FREM1: variants seen among roughly 807,000 people sequenced by gnomAD.
The protein encoded by FREM1 is FRAS1 related extracellular matrix 1.
In FREM1, 220 loss-of-function variants were observed where a neutral mutation model predicts 210.1. That is an observed-to-expected ratio of 1.05 (90% CI 0.94 to 1.17). The LOEUF (loss-of-function observed/expected upper bound fraction) is 1.17. Ranked by LOEUF, FREM1 falls within the 50% of genes most tolerant of loss-of-function variation. The probability of loss-of-function intolerance (pLI) is 0.00; values close to 1 mark genes in which losing one functional copy is unlikely to be tolerated. For missense variants in FREM1, 3,454 were observed against 2,675.5 expected, an observed-to-expected ratio of 1.29 and a Z score of -6.42; for synonymous variants, 1,189 against 980.2, an observed-to-expected ratio of 1.21 and a Z score of -3.98.
rs561286056 is a variant in FREM1 at position 14,801,294 on chromosome 9, G to A, written c.3694+358C>T. Among the ~76,000 whole-genome samples the A allele has an allele frequency of 3.3e-5, 5 of 152,280 alleles. No homozygotes were observed. In the South Asian group the frequency reaches 8.3e-4, roughly 25 times the overall value. ...ATTACAGGCGTGAGCCACCAGGCCC[G>A]GCCACGCTGTGGAATGGTTAAGTCA... On this transcript the variant is annotated intron_variant, in intron 20 of 36. Coordinates refer to ENST00000380880, the MANE Select transcript of FREM1 (RefSeq NM_001379081.2).
chr9:14,790,791 T>G lies in FREM1; in HGVS notation c.3982-1677A>C, dbSNP rs2291682. ...GCTAGGGAGCTGGGAGAGAACTGTGTGGAGCCATACTGGGAACCTGGACCC... is the reference window on the plus strand; with the variant it reads ...GCTAGGGAGCTGGGAGAGAACTGTGGGGAGCCATACTGGGAACCTGGACCC... On this transcript the variant is annotated intron_variant, in intron 22 of 36. Coordinates refer to ENST00000380880, the MANE Select transcript of FREM1 (RefSeq NM_001379081.2). 85 of 152,410 alleles carry G rather than the reference T, an allele frequency of 5.6e-4. 3 individuals are homozygous for G. In the East Asian group the frequency reaches 0.016, roughly 28 times the overall value. The allele number at this position is 152,410 out of a possible 1,614,324, so 9.4% of individuals were successfully genotyped here.
chr9:14,870,348 G>GT (rs1273736308), intron 1 of FREM1, among the ~76,000 whole-genome samples: 5 of 152,254 alleles, frequency 3.3e-5, no homozygotes, highest in Admixed American at 3.3e-4. Flanking sequence ...AGAGCAGCCT[G>GT]TTTTTTATGG....
intron 1 of FREM1, among the ~76,000 whole-genome samples, chr9:14,888,699 C>T (rs1482911528): frequency 1.3e-5 from 2 of 152,148 alleles, no homozygotes; most frequent in Admixed American, 6.5e-5. Flanking sequence ...TGTGTGTTGA[C>T]TCTGTCTATA....
In FREM1 at chr9:14,860,854, T is replaced by C. The variant is rs1452063663; in HGVS notation, c.330-1370A>G. Among the ~76,000 whole-genome samples, 8 of 71,192 alleles carry C rather than the reference T, an allele frequency of 1.1e-4. No individual in the cohort carries two copies. The East Asian group carries it at 3.2e-3, about 29-fold the overall frequency. 46.7% of individuals were successfully genotyped at this position (71,192 alleles called of 152,430 possible). On this transcript the variant is annotated intron_variant, in intron 3 of 36. Coordinates refer to ENST00000380880, the MANE Select transcript of FREM1 (RefSeq NM_001379081.2). ...ATATACGTATATATACATATATACG[T>C]ATATATACACATATATATACGTATA...
chr9:14,792,749 C>A lies in FREM1; in HGVS notation c.3975G>T (p.Gln1325His), dbSNP rs980845557. 1.6e-5 allele frequency: 25 copies of A among 1,594,436 alleles called. No individual in the cohort carries two copies. Among genetic ancestry groups the A allele is most frequent in the Non-Finnish European group, 2.0e-5 (24 of 1,172,600 alleles). The change falls in exon 22 of 37, where the codon CAG (glutamine) becomes CAT (histidine). Residue 1325 changes from glutamine (Q) to histidine (H), a missense_variant. Coordinates refer to ENST00000380880, the MANE Select transcript of FREM1 (RefSeq NM_001379081.2). ...AAAGTAAGAAGTCACTAACCTTAAG[C>A]TGAAGTTGCCCATTTTGGGGAAGCC... ...FERLPQNGQL[Q>H]LKIGRDWVPL...
intron 6 of FREM1, among the ~76,000 whole-genome samples, chr9:14,850,018 A>G (rs929078266): frequency 6.6e-6 from 1 of 152,218 alleles, no homozygotes; most frequent in African/African-American, 2.4e-5. Context: ...TTGAGGCTAC[A>G]TGCTGAAAAT....
In FREM1 at chr9:14,772,675, G is replaced by C. The variant is rs541422872; in HGVS notation, c.4858-1869C>G. 3.3e-5 allele frequency among the ~76,000 whole-genome samples: 5 copies of C among 152,266 alleles called. No individual in the cohort carries two copies. The South Asian group carries it at 6.2e-4, about 19-fold the overall frequency. Reference sequence around the variant, plus strand: ...ATTCTTCTCCTCTCCTGAAGAGTATGGGTGGCAACTTTCAAAGCAATGAGA... The same window carrying C: ...ATTCTTCTCCTCTCCTGAAGAGTATCGGTGGCAACTTTCAAAGCAATGAGA... On this transcript the variant is annotated intron_variant, in intron 25 of 36. Coordinates refer to ENST00000380880, the MANE Select transcript of FREM1 (RefSeq NM_001379081.2).
intron 6 of FREM1, among the ~76,000 whole-genome samples, chr9:14,850,184 C>G (rs1827431472): frequency 6.6e-6 from 1 of 152,170 alleles, no homozygotes. Context: ...ATGTGGAAGA[C>G]TTTAACCAGC....
chr9:14,825,547 G>GTGTGTATATATATATA, intron 10 of FREM1, among the ~76,000 whole-genome samples: 18 of 75,892 alleles, frequency 2.4e-4, no homozygotes, highest in South Asian at 9.7e-4. Flanking sequence ...GTGTGTGTGT[G>GTGTGTATATATATATA]TATATATATA....
intron 2 of FREM1, among the ~76,000 whole-genome samples, chr9:14,867,576 T>G (rs755474364): frequency 7.9e-5 from 12 of 152,220 alleles, no homozygotes; most frequent in Non-Finnish European, 1.3e-4. Context: ...GGTCTATAAC[T>G]TGAAGTGTGG....
chr9:14,792,303 CAGAGAG>C (rs150406422), intron 22 of FREM1, among the ~76,000 whole-genome samples: 8 of 137,668 alleles, frequency 5.8e-5, no homozygotes, highest in African/African-American at 7.8e-5. Context: ...CACACACACA[CAGAGAG>C]AGAGAGAGAT....
intron 11 of FREM1, 125 bp downstream of exon 11, chr9:14,824,671 T>A (rs995217090): frequency 6.1e-6 from 4 of 659,868 alleles, no homozygotes; most frequent in Middle Eastern, 4.1e-4. Context: ...TAATTGAGTA[T>A]AATTTCATGC....
At chr9:14,839,869 G>A (rs749160254) in intron 10 of FREM1, among the ~76,000 whole-genome samples, 17 of 152,182 alleles carry the variant, frequency 1.1e-4, no homozygotes, top group Non-Finnish European at 2.1e-4. Flanking sequence ...CCTATTAACT[G>A]TTACCTTTTT....
At chr9:14,895,089 G>A (rs558600087) in intron 1 of FREM1, among the ~76,000 whole-genome samples, 3 of 152,284 alleles carry the variant, frequency 2.0e-5, no homozygotes, top group East Asian at 3.9e-4. Context: ...CAGGAGGAGA[G>A]GAATTTACCC....
At chr9:14,748,682 A>C in intron 30 of FREM1, 43 bp from the exon 31 acceptor site, 1 of 1,276,272 alleles carries the variant, frequency 7.8e-7, no homozygotes. Flanking sequence ...CATTTTACAC[A>C]AACAGATAAG....
intron 21 of FREM1, among the ~76,000 whole-genome samples, chr9:14,794,813 C>T (rs932964349): frequency 1.3e-5 from 2 of 151,972 alleles, no homozygotes; most frequent in African/African-American, 4.8e-5. Flanking sequence ...TACTGGCCAA[C>T]ATGGTGAAAC....
chr9:14,737,648 A>C, intron 36 of FREM1, 53 bp from the exon 37 acceptor site: 1 of 1,345,888 alleles, frequency 7.4e-7, no homozygotes, highest in South Asian at 1.8e-5. Flanking sequence ...TTATACTTAG[A>C]TATCATATCC....
rs561847958 is a variant in FREM1, at chr9:14,844,070, G to C, written c.1394-1410C>G. On this transcript the variant is annotated intron_variant, in intron 8 of 36. Transcript: ENST00000380880. ...TAAAGTATACAGAATGCTTTCTACAGTGTCTGTCACAAAGTAAAGCTTAAT... is the reference window on the plus strand; with the variant it reads ...TAAAGTATACAGAATGCTTTCTACACTGTCTGTCACAAAGTAAAGCTTAAT... 2.9e-4 allele frequency among the ~76,000 whole-genome samples: 44 copies of C among 152,136 alleles called. No individual in the cohort carries two copies. The South Asian group carries it at 7.9e-3, about 27-fold the overall frequency.
At chr9:14,747,498 C>G in intron 32 of FREM1, 70 bp from the exon 33 acceptor site, 1 of 1,476,052 alleles carries the variant, frequency 6.8e-7, no homozygotes, top group Non-Finnish European at 9.2e-7. Context: ...AAAAAATGAG[C>G]AATTCAAAAA....
Sources: allele counts gnomAD v4.1 joint callset (sites outside exome capture counted in the v4.1 genomes callset), GRCh38; gene constraint gnomAD v4.1.1; transcripts MANE v1.5; gene names NCBI Gene and HGNC (gene_info 2026-07-23, HGNC 2026-07-21).